The following BTK variants were observed in gnomAD, a reference collection of about 807,000 sequenced individuals.
BTK encodes the protein tyrosine-protein kinase BTK.
A neutral mutation model predicts 57.4 loss-of-function variants in BTK; 5 were observed. That is an observed-to-expected ratio of 0.09 (90% confidence interval 0.05 to 0.18). The LOEUF (loss-of-function observed/expected upper bound fraction) is 0.18. Ranked by LOEUF, BTK falls within the 10% of genes least tolerant of loss-of-function variation. BTK has a pLI of 1.00. For missense variants in BTK, 194 were observed against 501.2 expected, an observed-to-expected ratio of 0.39 and a Z score of 5.85; for synonymous variants, 154 against 174.3, an observed-to-expected ratio of 0.88 and a Z score of 0.92.
chrX:101,366,253 T>C (rs1926847301), intron 5 of BTK, among the ~76,000 whole-genome samples: 1 of 111,557 alleles, frequency 9.0e-6, no homozygotes, highest in African/African-American at 3.3e-5. Context: ...GCCTGCACGA[T>C]AGAGCAAGAC....
intron 1 of BTK, among the ~76,000 whole-genome samples, chrX:101,376,932 T>C (rs553128960): frequency 5.4e-5 from 6 of 111,412 alleles, no homozygotes; most frequent in African/African-American, 2.0e-4. Context: ...TTTCCTGTGG[T>C]GTAGGAGGTT....
intron 18 of BTK, 133 bp from the exon 19 acceptor site, chrX:101,350,089 G>C: frequency 2.3e-5 from 8 of 342,630 alleles, no homozygotes; most frequent in Non-Finnish European, 2.5e-5. Flanking sequence ...ATTACAAAAG[G>C]AAAAAAAAAA....
intron 14 of BTK, 200 bp downstream of exon 14, chrX:101,356,584 A>G: frequency 2.1e-6 from 1 of 481,247 alleles, no homozygotes; most frequent in East Asian, 3.6e-5. Flanking sequence ...CACACCCATG[A>G]TCACCACTAT....
intron 16 of BTK, among the ~76,000 whole-genome samples, 164 bp downstream of exon 16, chrX:101,354,466 G>C (rs1233166281): frequency 9.0e-6 from 1 of 111,313 alleles, no homozygotes; most frequent in Non-Finnish European, 1.9e-5. Context: ...GGATGAAAGA[G>C]GTGGCTTAAA....
chrX:101,358,174 T>C (rs182078897), intron 12 of BTK, 136 bp downstream of exon 12: 1 of 976,521 alleles, frequency 1.0e-6, no homozygotes, highest in African/African-American at 1.9e-5. Context: ...TACCAGCTTC[T>C]ACCCAGTATC....
chrX:101,367,924 C>CAT, intron 5 of BTK, among the ~76,000 whole-genome samples: 1 of 111,475 alleles, frequency 9.0e-6, no homozygotes, highest in Non-Finnish European at 1.9e-5. Context: ...GTGCAAGGCG[C>CAT]TGTATGAGGC....
chrX:101,379,035 G>A (rs1210052776), intron 1 of BTK, among the ~76,000 whole-genome samples: 2 of 109,013 alleles, frequency 1.8e-5, no homozygotes, highest in Non-Finnish European at 3.8e-5. Flanking sequence ...TTAGCCGGGC[G>A]TGGTGACAGG....
At chrX:101,365,897 C>T (rs1555979379) in intron 5 of BTK, among the ~76,000 whole-genome samples, 1 of 112,355 alleles carries the variant, frequency 8.9e-6, no homozygotes, top group African/African-American at 3.2e-5. Context: ...AAGAGAGAGT[C>T]TGTGGCTAAG....
chrX:101,363,417 C>T (rs1348458349), intron 5 of BTK, among the ~76,000 whole-genome samples: 4 of 111,781 alleles, frequency 3.6e-5, no homozygotes, highest in Middle Eastern at 4.2e-3. Flanking sequence ...AAAACCTTCA[C>T]ATGAAGTCAA....
At chrX:101,355,729 G>A (rs957612843) in intron 15 of BTK, 8 of 331,882 alleles carry the variant, frequency 2.4e-5, no homozygotes, top group Non-Finnish European at 4.3e-5. Flanking sequence ...CCCATGCCAG[G>A]AGCAGTCCCA....
chrX:101,362,787 C>T lies in BTK; in HGVS notation c.392-98G>A, dbSNP rs1201734626. On this transcript the variant is annotated intron_variant, in intron 5 of 18. Coordinates refer to ENST00000308731, the MANE Select transcript of BTK (RefSeq NM_000061.3). Reference sequence around the variant, plus strand: ...GAGCTTAGTGGTGAACTTCAAGCAACTGCCCCCTCCTTGGCCACCCTGAAG... The same window carrying T: ...GAGCTTAGTGGTGAACTTCAAGCAATTGCCCCCTCCTTGGCCACCCTGAAG... The T allele has an allele frequency of 7.0e-6, 8 of 1,142,339 alleles. No homozygotes were observed. In the South Asian group the frequency reaches 1.3e-4, roughly 18 times the overall value. 94.1% of individuals were successfully genotyped at this position (1,142,339 alleles called of 1,213,427 possible).
At chrX:101,367,612 G>C (rs931315190) in intron 5 of BTK, among the ~76,000 whole-genome samples, 9 of 108,191 alleles carry the variant, frequency 8.3e-5, no homozygotes, top group Admixed American at 6.1e-4. Flanking sequence ...CTCCAGCCTG[G>C]GTGACAAGAG....
Position 101,360,735 on chromosome X carries a change from C to A in BTK, c.609G>T (p.Pro203=), listed in dbSNP as rs781964043. The change falls in exon 8 of 19, where the codon CCG becomes CCT. Residue 203 remains proline (P), a synonymous_variant. Coordinates refer to ENST00000308731, the MANE Select transcript of BTK (RefSeq NM_000061.3). ...AGACTGGTGCTGCTGCTGGCTCAGG[C>A]GGTAGTGGCTTTTTCAAGATCTATG... ...EEDQILKKPL[P]PEPAAAPVST... 1 of 1,210,951 alleles carries A rather than the reference C, an allele frequency of 8.3e-7. No homozygotes were observed. Among genetic ancestry groups the A allele is most frequent in the Non-Finnish European group, 1.1e-6 (1 of 895,209 alleles).
intron 1 of BTK, among the ~76,000 whole-genome samples, chrX:101,384,295 A>G: frequency 8.9e-6 from 1 of 112,296 alleles, no homozygotes; most frequent in South Asian, 3.7e-4. Flanking sequence ...TCGCACCATA[A>G]GGAGTTTACA....
upstream of BTK, among the ~76,000 whole-genome samples, chrX:101,387,260 T>C (rs1189541489): frequency 9.1e-6 from 1 of 110,195 alleles, no homozygotes; most frequent in Non-Finnish European, 1.9e-5. Context: ...TACATAGGTA[T>C]ATGTGTGACA....
intron 5 of BTK, among the ~76,000 whole-genome samples, chrX:101,363,088 T>G (rs1446857781): frequency 8.9e-6 from 1 of 112,415 alleles, no homozygotes; most frequent in Non-Finnish European, 1.9e-5. Context: ...AATACTGATT[T>G]CTCAGTTCCT....
At chrX:101,368,089 G>C (rs782404564) in intron 5 of BTK, among the ~76,000 whole-genome samples, 1 of 111,821 alleles carries the variant, frequency 8.9e-6, no homozygotes, top group African/African-American at 3.3e-5. Context: ...TTTACCAACC[G>C]AGGGCCTTTG....
chrX:101,386,799 C>A (rs1298748042), upstream of BTK, among the ~76,000 whole-genome samples: 1 of 112,252 alleles, frequency 8.9e-6, no homozygotes, highest in East Asian at 2.8e-4. Flanking sequence ...TCCCCATTTT[C>A]TGTGGATGTT....
At chrX:101,363,487 G>A (rs782339443) in intron 5 of BTK, among the ~76,000 whole-genome samples, 42 of 111,065 alleles carry the variant, frequency 3.8e-4, no homozygotes, top group Non-Finnish European at 5.8e-4. Flanking sequence ...TTGGGAGGCC[G>A]AGGTGGGTGG....
Sources: gnomAD v4.1 joint callset for allele counts (sites outside exome capture counted in the v4.1 genomes callset) on GRCh38, gnomAD v4.1.1 for gene constraint, MANE v1.5 for transcripts, NCBI Gene and HGNC (gene_info 2026-07-23, HGNC 2026-07-21) for gene names.